Variants in GON4L observed in about 807,000 individuals in gnomAD.
GON4L encodes gon-4 like.
In GON4L, 87 loss-of-function variants were observed where a neutral mutation model predicts 211.8. That is an observed-to-expected ratio of 0.41 (90% CI 0.35 to 0.49). The LOEUF is 0.49. GON4L is among the 20% of genes least tolerant of loss of function. GON4L has a pLI of 0.15. For synonymous variants in GON4L, 875 were observed against 962.6 expected (o/e 0.91, Z 1.68); for missense variants, 2,155 against 2,659.5 (o/e 0.81, Z 4.17).
At chr1:155,801,791 G>A (rs770562283) in intron 11 of GON4L, among the ~76,000 whole-genome samples, 12 of 152,048 alleles carry the variant, frequency 7.9e-5, no homozygotes, top group Non-Finnish European at 1.8e-4. Context: ...GCTGAGACAG[G>A]AGAATCGCTT....
intron 2 of GON4L, among the ~76,000 whole-genome samples, chr1:155,829,174 T>C (rs1318356155): frequency 4.6e-5 from 7 of 152,212 alleles, no homozygotes; most frequent in Admixed American, 3.9e-4. Flanking sequence ...TTTATTCTAA[T>C]AGAATTTTAC....
intron 2 of GON4L, among the ~76,000 whole-genome samples, chr1:155,836,419 T>G (rs1457345650): frequency 2.0e-5 from 3 of 151,982 alleles, no homozygotes; most frequent in Admixed American, 6.6e-5. Context: ...CCAGCTAATT[T>G]TTGTATTTTT....
At chr1:155,789,273 T>G (rs1018489117) in intron 12 of GON4L, among the ~76,000 whole-genome samples, 1 of 152,094 alleles carries the variant, frequency 6.6e-6, no homozygotes, top group Non-Finnish European at 1.5e-5. Flanking sequence ...TGATACACTG[T>G]GTGTAAAATT....
intron 10 of GON4L, among the ~76,000 whole-genome samples, chr1:155,813,204 G>C (rs1667949289): frequency 6.6e-6 from 1 of 152,116 alleles, no homozygotes; most frequent in South Asian, 2.1e-4. Context: ...GGCTAAGGTG[G>C]GAGGATCACT....
chr1:155,843,290 C>A (rs1670945097), intron 2 of GON4L, among the ~76,000 whole-genome samples: 1 of 152,136 alleles, frequency 6.6e-6, no homozygotes, highest in South Asian at 2.1e-4. Flanking sequence ...AAATAGCCTG[C>A]ATGATTGCAG....
At chr1:155,775,979 C>T (rs557039862) in intron 16 of GON4L, among the ~76,000 whole-genome samples, 3 of 151,976 alleles carry the variant, frequency 2.0e-5, no homozygotes, top group Non-Finnish European at 4.4e-5. Context: ...GACGGGCTTT[C>T]GGCATGTTGC....
At chr1:155,825,489 T>G (rs1245451148) in intron 3 of GON4L, among the ~76,000 whole-genome samples, 1 of 150,008 alleles carries the variant, frequency 6.7e-6, no homozygotes, top group Non-Finnish European at 1.5e-5. Flanking sequence ...GGAGAATCGC[T>G]GGAACCCGGA....
chr1:155,790,480 G>C (rs993243286), intron 12 of GON4L, among the ~76,000 whole-genome samples: 2 of 151,918 alleles, frequency 1.3e-5, no homozygotes, highest in African/African-American at 4.8e-5. Flanking sequence ...GTGCTCAAGC[G>C]ATCCTCCTGC....
chr1:155,767,068 G>A (rs1318404744), intron 20 of GON4L: 3 of 591,116 alleles, frequency 5.1e-6, no homozygotes, highest in Non-Finnish European at 8.7e-6. Context: ...AACAAAAAAA[G>A]AATTTGGGAA....
chr1:155,834,476 T>C (rs1482205006), intron 2 of GON4L, among the ~76,000 whole-genome samples: 1 of 152,094 alleles, frequency 6.6e-6, no homozygotes, highest in African/African-American at 2.4e-5. Flanking sequence ...AACTTCAATC[T>C]CAGATTTCTA....
chr1:155,760,589 A>G lies in GON4L; in HGVS notation c.4964T>C (p.Val1655Ala), dbSNP rs1661686565. The change falls in exon 24 of 32, where the codon GTC (valine) becomes GCC (alanine). Residue 1655 changes from valine to alanine, a missense_variant. Physicochemically the swap from Val to Ala is moderately conservative, Grantham distance 64 (BLOSUM62 0). Coordinates refer to ENST00000368331, the MANE Select transcript of GON4L (RefSeq NM_001282860.2). ...GGTACTTGACTCAAATTCATAGATG[A>G]CTTGAAGGAAGTCTTCATACTTGCC... ...IPGKYEDFLQ[V>A]IYEFESSTQR... The G allele has an allele frequency of 6.2e-7, 1 of 1,613,428 alleles. No individual in the cohort carries two copies. The highest frequency in any genetic ancestry group is 1.3e-5 in the African/African-American group (1 of 74,880).
intron 2 of GON4L, among the ~76,000 whole-genome samples, chr1:155,836,322 T>G (rs1009092705): frequency 2.0e-5 from 3 of 146,610 alleles, no homozygotes; most frequent in African/African-American, 7.5e-5. Flanking sequence ...CAATCTCGGC[T>G]CACTGCAACC....
chr1:155,817,480 A>AT (rs1557895055), intron 6 of GON4L, among the ~76,000 whole-genome samples: 2 of 152,220 alleles, frequency 1.3e-5, no homozygotes, highest in East Asian at 3.9e-4. Flanking sequence ...TGTTCTGACC[A>AT]TTTATCTAGT....
At chr1:155,757,688 G>C (rs931222838) in intron 25 of GON4L, among the ~76,000 whole-genome samples, 4 of 131,658 alleles carry the variant, frequency 3.0e-5, no homozygotes, top group Non-Finnish European at 6.4e-5. Context: ...GATCAGACAG[G>C]CTCCGGTTTC....
In GON4L at chr1:155,808,071, C is replaced by T. The variant is rs185528793; in HGVS notation, c.1453-2930G>A. Among the ~76,000 whole-genome samples the T allele has an allele frequency of 1.6e-3, 238 of 151,602 alleles. 1 individual carries two copies. The highest frequency in any genetic ancestry group is 5.6e-3 in the African/African-American group (231 of 41,162). ...TTTTTTTTTTTGAGATGGAGTCTCA[C>T]TCTTTCCTAGACTGGAGTGCAGGGG... On this transcript the variant is annotated intron_variant, in intron 10 of 31. Coordinates refer to ENST00000368331, the MANE Select transcript of GON4L (RefSeq NM_001282860.2).
intron 28 of GON4L, 77 bp from the exon 29 acceptor site, chr1:155,753,491 C>G: frequency 9.4e-7 from 1 of 1,063,154 alleles, no homozygotes; most frequent in Non-Finnish European, 1.4e-6. Flanking sequence ...AGGAAGAAGC[C>G]CTGCCTGATG....
chr1:155,827,715 G>GT, intron 2 of GON4L, among the ~76,000 whole-genome samples: 1 of 150,056 alleles, frequency 6.7e-6, no homozygotes, highest in Non-Finnish European at 1.5e-5. Context: ...AAAAAGCCAG[G>GT]TGCTTATAGT....
chr1:155,793,333 T>C (rs1665782065), intron 12 of GON4L, among the ~76,000 whole-genome samples: 1 of 152,160 alleles, frequency 6.6e-6, no homozygotes, highest in Non-Finnish European at 1.5e-5. Context: ...TAAAATAAAA[T>C]GTAAGTTCTA....
In GON4L at chr1:155,788,893, G is replaced by A. The variant is rs558398781; in HGVS notation, c.1748-3519C>T. On this transcript the variant is annotated intron_variant, in intron 12 of 31. Transcript: ENST00000368331. ...ATCACAAGGTCAGGAGATCGAGATC[G>A]CCCTGGCTAACACGGTGAAACCCCG... Among the ~76,000 whole-genome samples the A allele has an allele frequency of 4.6e-5, 7 of 152,064 alleles. No individual in the cohort carries two copies. The East Asian group carries it at 9.7e-4, about 21-fold the overall frequency.
Sources: allele counts gnomAD v4.1 joint callset (sites outside exome capture counted in the v4.1 genomes callset), GRCh38; gene constraint gnomAD v4.1.1; transcripts MANE v1.5; gene names NCBI Gene and HGNC (gene_info 2026-07-23, HGNC 2026-07-21).